TM4SF20: variants seen among roughly 807,000 people sequenced by gnomAD.
TM4SF20 encodes transmembrane 4 L six family member 20, also known as transmembrane 4 L6 family member 20.
Under a neutral mutation model 15.1 loss-of-function variants are expected in TM4SF20, and 13 were observed. The observed-to-expected ratio is 0.86, with a 90% CI of 0.56 to 1.36. The LOEUF is 1.36. TM4SF20 is among the 40% of genes most tolerant of loss of function. The pLI, the probability that TM4SF20 is intolerant of heterozygous loss-of-function variation, is 0.00. For missense variants in TM4SF20, 282 were observed against 268.4 expected, an observed-to-expected ratio of 1.05 and a Z score of -0.35; for synonymous variants, 92 against 96.6, an observed-to-expected ratio of 0.95 and a Z score of 0.28.
In TM4SF20 at chr2:227,368,017, C is replaced by CTTTTTTTTTTTTTTTTTTTT. The variant is rs748891185; in HGVS notation, c.250-1774_250-1773insAAAAAAAAAAAAAAAAAAAA. Reference sequence around the variant, plus strand: ...TGCCATGGTGTTTATTTTTAACCATCTATTTTTTTTTTTTTTTTTTTTTGG... The same window carrying CTTTTTTTTTTTTTTTTTTTT: ...TGCCATGGTGTTTATTTTTAACCATCTTTTTTTTTTTTTTTTTTTTTATTTTTTTTTTTTTTTTTTTTTGG... On this transcript the variant is annotated intron_variant, in intron 2 of 3. Transcript: ENST00000304568. Among the ~76,000 whole-genome samples the CTTTTTTTTTTTTTTTTTTTT allele has an allele frequency of 1.7e-5, 2 of 116,696 alleles. 1 individual carries two copies. The allele number at this position is 116,696 out of a possible 152,430, so 76.6% of individuals were successfully genotyped here.
chr2:227,368,850 G>C (rs1308930145), intron 2 of TM4SF20, among the ~76,000 whole-genome samples: 2 of 152,206 alleles, frequency 1.3e-5, no homozygotes, highest in Non-Finnish European at 2.9e-5. Flanking sequence ...GACAAGCCTT[G>C]GTCAACCCTT....
At chr2:227,368,706 T>G (rs920367639) in intron 2 of TM4SF20, among the ~76,000 whole-genome samples, 1 of 152,166 alleles carries the variant, frequency 6.6e-6, no homozygotes, top group Non-Finnish European at 1.5e-5. Flanking sequence ...AGGCCTGGCT[T>G]TAGAAAGTGA....
intron 1 of TM4SF20, 41 bp downstream of exon 1, chr2:227,379,045 G>A: frequency 6.3e-7 from 1 of 1,590,970 alleles, no homozygotes; most frequent in Non-Finnish European, 8.6e-7. Flanking sequence ...GGTGAAATAG[G>A]CAGGCCCTTC....
At chr2:227,364,788 T>C (rs2076382944) in intron 3 of TM4SF20, among the ~76,000 whole-genome samples, 1 of 152,248 alleles carries the variant, frequency 6.6e-6, no homozygotes, top group South Asian at 2.1e-4. Context: ...CGCTGTTGTC[T>C]GCAGAGCGTA....
chr2:227,368,259 G>C (rs1312466914), intron 2 of TM4SF20, among the ~76,000 whole-genome samples: 1 of 148,384 alleles, frequency 6.7e-6, no homozygotes, highest in Non-Finnish European at 1.5e-5. Flanking sequence ...TCCTGACCTT[G>C]TGATCCGCCC....
intron 1 of TM4SF20, among the ~76,000 whole-genome samples, chr2:227,377,780 T>G (rs900863197): frequency 2.4e-4 from 36 of 151,934 alleles, no homozygotes; most frequent in African/African-American, 8.5e-4. Context: ...TGAGAACACA[T>G]GAGCACATAA....
At chr2:227,368,017 C>CTTTTTTTTTTTTTTTTT (rs748891185) in intron 2 of TM4SF20, among the ~76,000 whole-genome samples, 1 of 116,696 alleles carries the variant, frequency 8.6e-6, no homozygotes, top group Non-Finnish European at 1.8e-5. Flanking sequence ...TTTTAACCAT[C>CTTTTTTTTTTTTTTTTT]TATTTTTTTT....
In TM4SF20 at chr2:227,371,876, T is replaced by C. The variant is rs567018948; in HGVS notation, c.184-896A>G. 2.6e-5 allele frequency among the ~76,000 whole-genome samples: 4 copies of C among 152,348 alleles called. No individual in the cohort carries two copies. In the East Asian group the frequency reaches 7.7e-4, roughly 29 times the overall value. On this transcript the variant is annotated intron_variant, in intron 1 of 3. Transcript: ENST00000304568. ...ATGATCTCACTTTATATATTGATGCTCAGAAATCTATAGATCGCATTCTGC... is the reference window on the plus strand; with the variant it reads ...ATGATCTCACTTTATATATTGATGCCCAGAAATCTATAGATCGCATTCTGC...
chr2:227,379,349 T>A, upstream of TM4SF20: 1 of 1,296,986 alleles, frequency 7.7e-7, no homozygotes. Context: ...ATCTTCTGGT[T>A]AAAATTTAAC....
upstream of TM4SF20, chr2:227,379,360 G>A (rs142547759): frequency 8.3e-5 from 97 of 1,173,582 alleles, no homozygotes; most frequent in East Asian, 1.6e-3. Context: ...AAAATTTAAC[G>A]CTAATAAAAA....
intron 1 of TM4SF20, among the ~76,000 whole-genome samples, chr2:227,378,779 T>A (rs1484169844): frequency 2.0e-5 from 3 of 152,128 alleles, no homozygotes; most frequent in South Asian, 2.1e-4. Context: ...ATTCAGAAGG[T>A]CCCTAACTCT....
In TM4SF20 at chr2:227,363,861, T is replaced by A. The variant is rs2076376419; in HGVS notation, c.553A>T (p.Arg185Trp). The A allele has an allele frequency of 6.2e-7, 1 of 1,614,030 alleles. No individual in the cohort carries two copies. Among genetic ancestry groups the A allele is most frequent in the Non-Finnish European group, 8.5e-7 (1 of 1,180,040 alleles). ...FHFDSEENKHRLIHFSVFLGL... is the reference protein window; with the variant it reads ...FHFDSEENKHWLIHFSVFLGL... ...AAAAATACTGAGAAGTGGATAAGCCTATGTTTGTTTTCTTCAGAATCGAAG... is the reference window on the plus strand; with the variant it reads ...AAAAATACTGAGAAGTGGATAAGCCAATGTTTGTTTTCTTCAGAATCGAAG... The change falls in exon 4 of 4, where the codon AGG becomes TGG. Residue 185 changes from arginine to tryptophan, a missense_variant. Physicochemically the swap from Arg to Trp is moderately radical, Grantham distance 101. Coordinates refer to ENST00000304568, the MANE Select transcript of TM4SF20 (RefSeq NM_024795.4).
chr2:227,371,828 T>C (rs1301317719), intron 1 of TM4SF20, among the ~76,000 whole-genome samples: 1 of 152,220 alleles, frequency 6.6e-6, no homozygotes. Flanking sequence ...TTCTCCTTTC[T>C]CTTCCTATAT....
At chr2:227,372,464 G>C (rs771500762) in intron 1 of TM4SF20, among the ~76,000 whole-genome samples, 84 of 151,822 alleles carry the variant, frequency 5.5e-4, no homozygotes, top group Non-Finnish European at 1.1e-3. Context: ...GCCAACATGA[G>C]GAAACCCCGT....
upstream of TM4SF20, among the ~76,000 whole-genome samples, chr2:227,379,641 A>G (rs2076470569): frequency 6.6e-6 from 1 of 152,244 alleles, no homozygotes; most frequent in African/African-American, 2.4e-5. Flanking sequence ...CAGCTATGGA[A>G]GTTTCTTATT....
intron 1 of TM4SF20, among the ~76,000 whole-genome samples, chr2:227,373,074 T>C (rs2076429174): frequency 6.6e-6 from 1 of 152,148 alleles, no homozygotes; most frequent in Non-Finnish European, 1.5e-5. Flanking sequence ...TATTCCTACC[T>C]AGAGTTTGTT....
At chr2:227,378,059 T>TAC (rs1294803643) in intron 1 of TM4SF20, among the ~76,000 whole-genome samples, 1 of 135,454 alleles carries the variant, frequency 7.4e-6, no homozygotes, top group Non-Finnish European at 1.7e-5. Flanking sequence ...CCTTACAGCT[T>TAC]ACTCTCTCTC....
At chr2:227,370,300 G>A (rs1049986199) in intron 2 of TM4SF20, among the ~76,000 whole-genome samples, 1 of 152,110 alleles carries the variant, frequency 6.6e-6, no homozygotes, top group Non-Finnish European at 1.5e-5. Context: ...GAAATTGATT[G>A]CAGCTGTGGG....
upstream of TM4SF20, among the ~76,000 whole-genome samples, chr2:227,381,381 T>C (rs2076479329): frequency 6.6e-6 from 1 of 151,906 alleles, no homozygotes; most frequent in Admixed American, 6.6e-5. Context: ...TTCCATTGTA[T>C]GGTTTATATA....
Sources: allele counts gnomAD v4.1 joint callset (sites outside exome capture counted in the v4.1 genomes callset), GRCh38; gene constraint gnomAD v4.1.1; transcripts MANE v1.5; gene names NCBI Gene and HGNC (gene_info 2026-07-23, HGNC 2026-07-21).